PATJ: variants seen among roughly 807,000 people sequenced by gnomAD.
PATJ encodes inaD-like protein.
In PATJ, 190 loss-of-function variants were observed where a neutral mutation model predicts 224.9. The observed-to-expected ratio is 0.84, with a 90% CI of 0.75 to 0.95. The LOEUF (loss-of-function observed/expected upper bound fraction) is 0.95. PATJ is among the 40% of genes least tolerant of loss of function. PATJ has a pLI of 0.00. For missense variants in PATJ, 2,121 were observed against 2,270.3 expected (o/e 0.93, Z 1.34); for synonymous variants, 769 against 820.3 (o/e 0.94, Z 1.07).
intron 14 of PATJ, among the ~76,000 whole-genome samples, chr1:61,813,055 C>T (rs1655179304): frequency 6.6e-6 from 1 of 151,852 alleles, no homozygotes; most frequent in South Asian, 2.1e-4. Flanking sequence ...AGGATATGTC[C>T]TTTCAGGGAA....
intron 21 of PATJ, among the ~76,000 whole-genome samples, chr1:61,880,447 C>T (rs1667936249): frequency 6.6e-6 from 1 of 152,184 alleles, no homozygotes; most frequent in African/African-American, 2.4e-5. Context: ...AAGTAAAATA[C>T]TTAAGGTTTT....
chr1:62,152,863 G>T lies in PATJ; in HGVS notation c.5379-495G>T, dbSNP rs1243103790. ...AGTTTAAAAGTTAAAAACTGGCCGG[G>T]TGCAGTGGCTCATGCCTGTAATCCC... is the stretch of plus-strand genomic sequence containing the variant. On this transcript the variant is annotated intron_variant, in intron 42 of 43. Coordinates refer to ENST00000642238, the MANE Select transcript of PATJ (RefSeq NM_001350145.3). 2.0e-5 allele frequency among the ~76,000 whole-genome samples: 3 copies of T among 151,968 alleles called. No individual in the cohort carries two copies. The East Asian group carries it at 5.8e-4, about 29-fold the overall frequency.
intron 22 of PATJ, among the ~76,000 whole-genome samples, chr1:61,886,702 C>A (rs188887526): frequency 7.6e-4 from 116 of 151,690 alleles, no homozygotes; most frequent in African/African-American, 2.5e-3. Flanking sequence ...CACCTGTAAC[C>A]CCAGCTACTC....
chr1:61,910,296 G>C (rs1212808478), intron 25 of PATJ, among the ~76,000 whole-genome samples: 1 of 152,134 alleles, frequency 6.6e-6, no homozygotes, highest in Non-Finnish European at 1.5e-5. Flanking sequence ...CTTTTGTTTG[G>C]ATGACACAAA....
At chr1:62,133,857 C>A (rs1186878169) in intron 41 of PATJ, among the ~76,000 whole-genome samples, 1 of 151,694 alleles carries the variant, frequency 6.6e-6, no homozygotes, top group Non-Finnish European at 1.5e-5. Flanking sequence ...AGCAATTCTC[C>A]TGCATCAGCC....
intron 7 of PATJ, among the ~76,000 whole-genome samples, chr1:61,777,699 C>CTTTT (rs1557626569): frequency 8.0e-4 from 64 of 80,064 alleles, no homozygotes; most frequent in East Asian, 1.8e-3. Flanking sequence ...TTCTTTCTTT[C>CTTTT]TTTCTTTTTT....
chr1:61,911,740 A>G (rs2149217546), intron 25 of PATJ, among the ~76,000 whole-genome samples: 1 of 146,354 alleles, frequency 6.8e-6, no homozygotes, highest in East Asian at 2.0e-4. Flanking sequence ...CAAGTCAGAT[A>G]GTTTCTGACT....
intron 25 of PATJ, among the ~76,000 whole-genome samples, chr1:61,909,948 C>G (rs1314545431): frequency 6.6e-6 from 1 of 152,160 alleles, no homozygotes. Flanking sequence ...GCCTTCCATT[C>G]TTAGCACTAT....
intron 20 of PATJ, among the ~76,000 whole-genome samples, chr1:61,870,257 T>C (rs1450269088): frequency 2.6e-5 from 4 of 152,176 alleles, no homozygotes; most frequent in Non-Finnish European, 4.4e-5. Flanking sequence ...GTAGGTAATC[T>C]TCCCCAGAAG....
chr1:62,106,079 TAC>T (rs1229837123), intron 33 of PATJ, among the ~76,000 whole-genome samples: 305 of 20,558 alleles, frequency 0.015, 6 homozygotes, highest in Non-Finnish European at 0.017. Context: ...TATATATATA[TAC>T]ACACACACAC....
intron 16 of PATJ, among the ~76,000 whole-genome samples, chr1:61,833,009 G>A (rs1659601108): frequency 6.6e-6 from 1 of 152,146 alleles, no homozygotes; most frequent in Admixed American, 6.5e-5. Flanking sequence ...CAAAGGACCT[G>A]TATACTGGGC....
At chr1:62,013,103 G>A (rs1172359791) in intron 28 of PATJ, among the ~76,000 whole-genome samples, 1 of 152,228 alleles carries the variant, frequency 6.6e-6, no homozygotes, top group Non-Finnish European at 1.5e-5. Context: ...TGCACATTTA[G>A]AAACAGAACC....
At chr1:61,876,320 G>A (rs1258101770) in intron 21 of PATJ, among the ~76,000 whole-genome samples, 2 of 152,106 alleles carry the variant, frequency 1.3e-5, no homozygotes, top group Non-Finnish European at 2.9e-5. Context: ...ATCTACCCAA[G>A]TTTTCAAGAT....
In PATJ at chr1:62,114,143, A is replaced by T. The variant is rs559907963; in HGVS notation, c.4552A>T (p.Arg1518Ter). 6.2e-7 allele frequency: 1 copy of T among 1,614,026 alleles called. No homozygotes were observed. The highest frequency in any genetic ancestry group is 2.2e-5 in the East Asian group (1 of 44,866). Reference protein sequence around the residue: ...TPQKVRLVVYRDEAHYRDEEN... With the variant: ...TPQKVRLVVY ...CCAGAAGGTGCGGCTGGTGGTGTATAGAGATGAGGCACACTACCGGGATGA... is the reference window on the plus strand; with the variant it reads ...CCAGAAGGTGCGGCTGGTGGTGTATTGAGATGAGGCACACTACCGGGATGA... Residue 1518 changes from arginine (R) to a stop codon, truncating the protein, a stop_gained, in exon 35 of 44, where the codon AGA becomes TGA. Coordinates refer to ENST00000642238, the MANE Select transcript of PATJ (RefSeq NM_001350145.3). LOFTEE classifies it high-confidence loss of function.
chr1:62,127,119 T>C (rs1665795287), intron 39 of PATJ, among the ~76,000 whole-genome samples: 1 of 152,096 alleles, frequency 6.6e-6, no homozygotes, highest in Non-Finnish European at 1.5e-5. Flanking sequence ...GTAGACTATG[T>C]GCATATTCAG....
At chr1:62,071,584 CCCA>C (rs1657422199) in intron 31 of PATJ, among the ~76,000 whole-genome samples, 1 of 151,100 alleles carries the variant, frequency 6.6e-6, no homozygotes, top group African/African-American at 2.4e-5. Flanking sequence ...CCTCCGCCTC[CCCA>C]GGTAAAAGCA....
intron 7 of PATJ, among the ~76,000 whole-genome samples, chr1:61,782,060 C>G (rs1647460114): frequency 6.6e-6 from 1 of 152,124 alleles, no homozygotes; most frequent in Admixed American, 6.6e-5. Context: ...CCTAGACTTG[C>G]AGAAGAATGC....
At chr1:61,849,277 G>A (rs544817517) in intron 17 of PATJ, among the ~76,000 whole-genome samples, 1 of 152,288 alleles carries the variant, frequency 6.6e-6, no homozygotes, top group Middle Eastern at 3.4e-3. Flanking sequence ...ACACAGCCTA[G>A]AACTTTAATA....
At chr1:62,019,511 T>G (rs78080532) in intron 29 of PATJ, among the ~76,000 whole-genome samples, 4,055 of 151,568 alleles carry the variant, frequency 0.027, 173 homozygotes, top group African/African-American at 0.095. Flanking sequence ...AAAGCGAGTC[T>G]CTGTCTCAAA....
Sources: allele counts gnomAD v4.1 joint callset (sites outside exome capture counted in the v4.1 genomes callset), GRCh38; gene constraint gnomAD v4.1.1; transcripts MANE v1.5; gene names NCBI Gene and HGNC (gene_info 2026-07-23, HGNC 2026-07-21).